The following REV3L variants were observed in gnomAD, a reference collection of about 807,000 sequenced individuals.
REV3L encodes the protein REV3 like, DNA directed polymerase zeta catalytic subunit, also known as DNA polymerase zeta catalytic subunit.
In REV3L, 69 loss-of-function variants were observed where a neutral mutation model predicts 299.4. The observed-to-expected ratio is 0.23, with a 90% confidence interval of 0.19 to 0.28. REV3L has a LOEUF of 0.28. Ranked by LOEUF, REV3L falls within the 10% of genes least tolerant of loss-of-function variation. The pLI is 1.00. For missense variants in REV3L, 3,128 were observed against 3,693.8 expected (o/e 0.85, Z 3.97); for synonymous variants, 1,238 against 1,271.4 (o/e 0.97, Z 0.56).
intron 31 of REV3L, among the ~76,000 whole-genome samples, chr6:111,302,617 A>G (rs924182595): frequency 3.0e-4 from 46 of 152,214 alleles, no homozygotes; most frequent in African/African-American, 1.1e-3. Flanking sequence ...AAAAAAATTT[A>G]GTCAAGGCTG....
chr6:111,309,966 T>G lies in REV3L; in HGVS notation c.8929A>C (p.Thr2977Pro), dbSNP rs781026906. The G allele has an allele frequency of 6.2e-7, 1 of 1,613,996 alleles. No individual in the cohort carries two copies. Among genetic ancestry groups the G allele is most frequent in the South Asian group, 1.1e-5 (1 of 91,074 alleles). ...TAGTAAGTAGCATTCAGTCTCAGAGTTGGGTCCTGCAGGACTTCCACTGGG... is the reference window on the plus strand; with the variant it reads ...TAGTAAGTAGCATTCAGTCTCAGAGGTGGGTCCTGCAGGACTTCCACTGGG... ...RRPVEVLQDP[T>P]LRLNATYYIT... is the part of the protein sequence containing the mutation. The change falls in exon 30 of 32, where the codon ACT becomes CCT. Residue 2977 changes from threonine to proline, a missense_variant. Physicochemically the swap from Thr to Pro is conservative, Grantham distance 38 (BLOSUM62 -1). This residue lies in a region of REV3L where 294 missense variants were observed against 377.0 expected (regional missense o/e 0.78). Transcript: ENST00000368802.
At chr6:111,401,280 G>A (rs1783058937) in intron 4 of REV3L, among the ~76,000 whole-genome samples, 1 of 152,192 alleles carries the variant, frequency 6.6e-6, no homozygotes, top group Non-Finnish European at 1.5e-5. Context: ...ACAAAGATGG[G>A]AGAAATTGGT....
At chr6:111,465,122 T>C (rs1791294504) in intron 1 of REV3L, among the ~76,000 whole-genome samples, 1 of 148,024 alleles carries the variant, frequency 6.8e-6, no homozygotes, top group South Asian at 2.2e-4. Flanking sequence ...TTCTCTCTTG[T>C]TGTGCTGGAG....
In REV3L at chr6:111,377,759, A is replaced by G. The variant is rs1780454736; in HGVS notation, c.1539T>C (p.Ser513=). The G allele has an allele frequency of 6.2e-7, 1 of 1,613,640 alleles. No individual in the cohort carries two copies. The highest frequency in any genetic ancestry group is 8.5e-7 in the Non-Finnish European group (1 of 1,179,822). The change falls in exon 12 of 32, where the codon AGT becomes AGC. Residue 513 remains serine, a synonymous_variant. Coordinates refer to ENST00000368802, the MANE Select transcript of REV3L (RefSeq NM_001372078.1). ...SGEEMEWSDN[S]LLLASLSIPQ... is the part of the protein sequence containing the mutation. ...GTATAGAAAGACTGGCTAGAAGCAA[A>G]CTGTTATCACTCCATTCCATTTCTT...
chr6:111,382,788 C>G (rs1047055330), intron 9 of REV3L, among the ~76,000 whole-genome samples: 1 of 152,098 alleles, frequency 6.6e-6, no homozygotes, highest in African/African-American at 2.4e-5. Context: ...GTGTCACCCC[C>G]CCTCCCCCAA....
chr6:111,408,377 C>T (rs1042703629), intron 3 of REV3L, among the ~76,000 whole-genome samples: 1 of 151,972 alleles, frequency 6.6e-6, no homozygotes, highest in Admixed American at 6.6e-5. Flanking sequence ...CTGAGGTGGG[C>T]GGATCACCTG....
intron 1 of REV3L, among the ~76,000 whole-genome samples, chr6:111,457,383 G>T (rs1407463835): frequency 1.3e-5 from 2 of 151,854 alleles, no homozygotes; most frequent in Non-Finnish European, 2.9e-5. Context: ...AGTCATTAGG[G>T]TTATTACATT....
chr6:111,311,281 A>G (rs1772949159), intron 28 of REV3L, 22 bp from the exon 29 acceptor site: 1 of 1,558,480 alleles, frequency 6.4e-7, no homozygotes, highest in Non-Finnish European at 8.7e-7. Flanking sequence ...AAAGATATGC[A>G]AGTAAAGATA....
chr6:111,337,174 A>AACTTACTG (rs1200591830), intron 21 of REV3L, among the ~76,000 whole-genome samples: 4 of 152,098 alleles, frequency 2.6e-5, no homozygotes, highest in African/African-American at 9.7e-5. Flanking sequence ...AATAGTATAA[A>AACTTACTG]ACTTACTGTG....
chr6:111,308,940 A>G (rs1038116177), intron 30 of REV3L, among the ~76,000 whole-genome samples: 9 of 152,214 alleles, frequency 5.9e-5, no homozygotes, highest in Non-Finnish European at 1.5e-5. Flanking sequence ...GTGAAACAGG[A>G]AAGGTTCCCT....
intron 21 of REV3L, among the ~76,000 whole-genome samples, chr6:111,340,847 C>T (rs185593884): frequency 4.4e-4 from 67 of 151,124 alleles, no homozygotes; most frequent in Admixed American, 1.4e-3. Context: ...AGTCTAAGTC[C>T]CTTCTGTACA....
At position 111,375,349 on chromosome 6, in the gene REV3L, T is replaced by C. The variant is rs1780193496; in HGVS notation, c.3006A>G (p.Lys1002=). The C allele has an allele frequency of 1.3e-6, 2 of 1,584,288 alleles. No individual in the cohort carries two copies. Residue 1002 remains lysine, a synonymous_variant, in exon 13 of 32, where the codon AAA becomes AAG. Coordinates refer to ENST00000368802, the MANE Select transcript of REV3L (RefSeq NM_001372078.1). ...TTTTTTCTTCTGTTAATATTACTTGTTTTTCTTTAGAGTCTATTTTTCCTA... is the reference window on the plus strand; with the variant it reads ...TTTTTTCTTCTGTTAATATTACTTGCTTTTCTTTAGAGTCTATTTTTCCTA... ...VKLGKIDSKE[K]QVILTEEKME... is the part of the protein sequence containing the mutation.
intron 1 of REV3L, among the ~76,000 whole-genome samples, chr6:111,458,045 A>G (rs933537491): frequency 3.9e-5 from 6 of 152,154 alleles, no homozygotes; most frequent in African/African-American, 1.4e-4. Flanking sequence ...AATCTCAACA[A>G]AATACCAGCA....
At chr6:111,448,031 T>C (rs1321911860) in intron 1 of REV3L, among the ~76,000 whole-genome samples, 1 of 152,214 alleles carries the variant, frequency 6.6e-6, no homozygotes, top group Non-Finnish European at 1.5e-5. Context: ...AACACTATCA[T>C]GTCAGTATTG....
intron 20 of REV3L, among the ~76,000 whole-genome samples, chr6:111,347,867 G>A (rs1482157578): frequency 6.6e-6 from 1 of 152,122 alleles, no homozygotes; most frequent in Admixed American, 6.5e-5. Context: ...GGGACTGTAT[G>A]TGTGTGCCAC....
chr6:111,365,155 T>C, intron 15 of REV3L, 110 bp downstream of exon 15: 3 of 696,992 alleles, frequency 4.3e-6, no homozygotes, highest in Non-Finnish European at 6.8e-6. Context: ...GATGCAAAAA[T>C]TTAAGTAACC....
At chr6:111,351,921 G>C (rs1001218916) in intron 18 of REV3L, 130 bp from the exon 19 acceptor site, 1 of 570,400 alleles carries the variant, frequency 1.8e-6, no homozygotes, top group Non-Finnish European at 3.1e-6. Flanking sequence ...AGATGGAGAA[G>C]GGATGATACA....
chr6:111,385,954 T>C (rs1473399835), intron 9 of REV3L, among the ~76,000 whole-genome samples: 1 of 152,232 alleles, frequency 6.6e-6, no homozygotes, highest in Non-Finnish European at 1.5e-5. Flanking sequence ...ATCCTTATTA[T>C]TTGATGCTAT....
In REV3L at chr6:111,416,265, A is replaced by G; in HGVS notation, c.329+18T>C. 1.3e-6 allele frequency: 2 copies of G among 1,510,408 alleles called. No individual in the cohort carries two copies. Among genetic ancestry groups the G allele is most frequent in the East Asian group, 2.4e-5 (1 of 41,766 alleles). 93.6% of individuals were successfully genotyped at this position (1,510,408 alleles called of 1,614,324 possible). A position where few individuals can be genotyped will look rare whatever the true frequency, so the allele number is the denominator to read the frequency against. ...GCAACATAAACAGAAATTATAAAAT[A>G]TATTATCATATACTTACATTCCTGA... On this transcript the variant is annotated intron_variant, in intron 2 of 31. Coordinates refer to ENST00000368802, the MANE Select transcript of REV3L (RefSeq NM_001372078.1).
Sources: gnomAD v4.1 joint callset for allele counts (sites outside exome capture counted in the v4.1 genomes callset) on GRCh38, gnomAD v4.1.1 for gene constraint, gnomAD v4.1.1 regional missense constraint, MANE v1.5 for transcripts, NCBI Gene and HGNC (gene_info 2026-07-23, HGNC 2026-07-21) for gene names.